The following LIMK2 variants were observed in gnomAD, a reference collection of about 807,000 sequenced individuals.
LIMK2 encodes LIM domain kinase 2.
Under a neutral mutation model 75.7 loss-of-function variants are expected in LIMK2, and 35 were observed. That is an observed-to-expected ratio of 0.46 (90% confidence interval 0.35 to 0.61). The LOEUF is 0.61. Among genes scored for constraint, LIMK2 ranks in the 20% least tolerant of loss-of-function variants. The pLI is 0.00. For missense variants in LIMK2, 623 were observed against 831.0 expected (o/e 0.75, Z 3.08); for synonymous variants, 301 against 319.2 (o/e 0.94, Z 0.61).
intron 8 of LIMK2, 95 bp from the exon 9 acceptor site, chr22:31,266,889 C>T (rs985062650): frequency 7.0e-6 from 6 of 853,678 alleles, no homozygotes; most frequent in Non-Finnish European, 1.2e-5. Context: ...AGTGTGCCCT[C>T]CAAGGGATGG....
chr22:31,265,882 C>T (rs1601437723), intron 7 of LIMK2, 64 bp from the exon 8 acceptor site: 2 of 1,438,286 alleles, frequency 1.4e-6, no homozygotes, highest in Admixed American at 3.5e-5. Context: ...TTTCCTCCCT[C>T]CAGGGTTTCT....
Position 31,271,177 on chromosome 22 carries a change from C to G in LIMK2, c.1359C>G (p.Asn453Lys). 6.2e-7 allele frequency: 1 copy of G among 1,614,114 alleles called. No individual in the cohort carries two copies. Among genetic ancestry groups the G allele is most frequent in the Non-Finnish European group, 8.5e-7 (1 of 1,179,990 alleles). ...HSMCIIHRDLNSHNCLIKLDK... is the reference protein window; with the variant it reads ...HSMCIIHRDLKSHNCLIKLDK... ...TGTGCATCATCCACCGGGATCTGAA[C>G]TCGCACAACTGCCTCATCAAGTTGG... is the stretch of plus-strand genomic sequence containing the variant. The change falls in exon 12 of 16, where the codon AAC (asparagine) becomes AAG (lysine). Residue 453 changes from asparagine (N) to lysine (K), a missense_variant. Asn to Lys is a moderately conservative substitution (Grantham distance 94, BLOSUM62 0). Transcript: ENST00000331728.
rs371660726 is a variant in LIMK2 at position 31,276,792 on chromosome 22, C to G, written c.1772+1484C>G. The G allele has an allele frequency of 1.1e-4, 183 of 1,608,056 alleles. No homozygotes were observed. In the African/African-American group the frequency reaches 1.5e-3, roughly 13 times the overall value. On this transcript the variant is annotated intron_variant, in intron 15 of 15. Coordinates refer to ENST00000331728, the MANE Select transcript of LIMK2 (RefSeq NM_005569.4). ...AGGACCACGCATCTACTTTCAGAGC[C>G]CCCCCCGGGGCCGCAGGAGAGGGCC...
intron 11 of LIMK2, among the ~76,000 whole-genome samples, chr22:31,269,190 C>T (rs568828234): frequency 6.6e-6 from 1 of 151,606 alleles, no homozygotes; most frequent in Non-Finnish European, 1.5e-5. Context: ...ACTACAGCTT[C>T]GACCTCCTGG....
chr22:31,250,635 A>C (rs1288522467), intron 2 of LIMK2, among the ~76,000 whole-genome samples: 1 of 152,172 alleles, frequency 6.6e-6, no homozygotes, highest in Non-Finnish European at 1.5e-5. Context: ...GATAGCTGCC[A>C]CACAGGGCTC....
chr22:31,240,143 A>G (rs2048612333), intron 2 of LIMK2, among the ~76,000 whole-genome samples: 1 of 152,122 alleles, frequency 6.6e-6, no homozygotes, highest in Non-Finnish European at 1.5e-5. Context: ...TTCTTTCTCC[A>G]TACTGCTTAC....
At chr22:31,220,976 T>A (rs566493494) in intron 1 of LIMK2, among the ~76,000 whole-genome samples, 258 of 150,402 alleles carry the variant, frequency 1.7e-3, no homozygotes, top group Non-Finnish European at 1.7e-3. Context: ...AAAAAAAAAA[T>A]TTTTTTTTTG....
At chr22:31,249,861 A>G (rs573294281) in intron 2 of LIMK2, among the ~76,000 whole-genome samples, 9 of 152,254 alleles carry the variant, frequency 5.9e-5, no homozygotes, top group East Asian at 3.9e-4. Context: ...CTGGTCCTCA[A>G]TGCTGACTCT....
chr22:31,214,059 C>T (rs1469117094), intron 1 of LIMK2, among the ~76,000 whole-genome samples: 1 of 152,056 alleles, frequency 6.6e-6, no homozygotes, highest in African/African-American at 2.4e-5. Flanking sequence ...CCTTGTGATC[C>T]GCCCGCTTCG....
At position 31,276,938 on chromosome 22, in the gene LIMK2, GCCTCTA is replaced by G. The variant is rs762798596; in HGVS notation, c.1773-1357_1773-1352del. The G allele has an allele frequency of 2.1e-5, 34 of 1,613,652 alleles. No individual in the cohort carries two copies. The East Asian group carries it at 7.6e-4, about 36-fold the overall frequency. On this transcript the variant is annotated intron_variant, in intron 15 of 15. Transcript: ENST00000331728. The stretch of plus-strand genomic sequence containing the variant: ...GAGTGGATCCTGGAGCAGCTCACGC[GCCTCTA>G]CGACTGCCAGGAAGAGGAGATCTCA...
intron 15 of LIMK2, chr22:31,276,757 G>A (rs758362249): frequency 6.3e-7 from 1 of 1,581,874 alleles, no homozygotes; most frequent in Admixed American, 1.8e-5. Flanking sequence ...AGGCCAGGCA[G>A]TGGCGGCCAA....
chr22:31,260,212 A>G (rs1398749847), intron 5 of LIMK2, 135 bp downstream of exon 5: 16 of 707,422 alleles, frequency 2.3e-5, no homozygotes, highest in South Asian at 1.7e-4. Flanking sequence ...GGACCCCACT[A>G]TGCTGTAACC....
At chr22:31,234,280 G>C (rs1208784737) in intron 2 of LIMK2, among the ~76,000 whole-genome samples, 2 of 150,038 alleles carry the variant, frequency 1.3e-5, no homozygotes, top group Non-Finnish European at 3.0e-5. Flanking sequence ...CCAAAGTGCT[G>C]GGATTACAGG....
At chr22:31,267,700 G>A in intron 9 of LIMK2, 76 bp from the exon 10 acceptor site, 1 of 1,494,554 alleles carries the variant, frequency 6.7e-7, no homozygotes, top group East Asian at 2.3e-5. Flanking sequence ...TTGTCAAGCT[G>A]ATTCCTTGGA....
At chr22:31,248,624 G>T (rs2048694029) in intron 2 of LIMK2, 2 of 1,612,510 alleles carry the variant, frequency 1.2e-6, no homozygotes, top group Non-Finnish European at 1.7e-6. Flanking sequence ...GGTGCCGGGA[G>T]CCCCGGGCCT....
At chr22:31,277,680 G>C in intron 15 of LIMK2, 2 of 421,002 alleles carry the variant, frequency 4.8e-6, no homozygotes, top group Non-Finnish European at 6.4e-6. Flanking sequence ...TAAACACTTG[G>C]GTTACAGCAG....
Position 31,266,990 on chromosome 22 carries a change from C to G in LIMK2, c.1048C>G (p.His350Asp). The change falls in exon 9 of 16, where the codon CAC becomes GAC. Residue 350 changes from histidine (H) to aspartate (D), a missense_variant. Around this residue, in one of 3 missense-constraint regions of LIMK2, gnomAD observed 514 missense variants for 661.3 expected, o/e 0.78. Coordinates refer to ENST00000331728, the MANE Select transcript of LIMK2 (RefSeq NM_005569.4). ...GFFGQAIKVT[H>D]KATGKVMVMK... ...ACAGTCACCCTCCCTGTAGGTGACACACAAAGCCACGGGCAAAGTGATGGT... is the reference window on the plus strand; with the variant it reads ...ACAGTCACCCTCCCTGTAGGTGACAGACAAAGCCACGGGCAAAGTGATGGT... 6.2e-7 allele frequency: 1 copy of G among 1,607,878 alleles called. No individual in the cohort carries two copies. The highest frequency in any genetic ancestry group is 8.5e-7 in the Non-Finnish European group (1 of 1,176,350).
At chr22:31,230,424 G>A (rs774249185) in intron 2 of LIMK2, among the ~76,000 whole-genome samples, 10 of 152,074 alleles carry the variant, frequency 6.6e-5, no homozygotes, top group South Asian at 4.1e-4. Context: ...ATGATTGTCC[G>A]TTCACCCTGA....
chr22:31,253,595 A>C (rs1007573947), intron 2 of LIMK2, among the ~76,000 whole-genome samples: 2 of 152,232 alleles, frequency 1.3e-5, no homozygotes, highest in Non-Finnish European at 2.9e-5. Context: ...ACAGGTGAGA[A>C]TCCTGAGGCT....
Sources: allele counts gnomAD v4.1 joint callset (sites outside exome capture counted in the v4.1 genomes callset), GRCh38; gene constraint gnomAD v4.1.1; regional missense constraint gnomAD v4.1.1; transcripts MANE v1.5; gene names NCBI Gene and HGNC (gene_info 2026-07-23, HGNC 2026-07-21).